PCDH17: variants seen among roughly 807,000 people sequenced by gnomAD.
PCDH17 encodes the protein protocadherin-17.
A neutral mutation model predicts 67.7 loss-of-function variants in PCDH17; 21 were observed. The observed-to-expected ratio is 0.31, with a 90% CI of 0.22 to 0.45. The LOEUF (loss-of-function observed/expected upper bound fraction) is 0.45. Among genes scored for constraint, PCDH17 ranks in the 20% least tolerant of loss-of-function variants. The pLI is 1.00. For synonymous variants in PCDH17, 701 were observed against 656.7 expected, an observed-to-expected ratio of 1.07 and a Z score of -1.03; for missense variants, 1,471 against 1,564.8, an observed-to-expected ratio of 0.94 and a Z score of 1.01.
chr13:57,642,852 A>G (rs908281983), intron 1 of PCDH17, among the ~76,000 whole-genome samples: 3 of 151,584 alleles, frequency 2.0e-5, no homozygotes, highest in Non-Finnish European at 4.4e-5. Flanking sequence ...TAGCTTTCTT[A>G]TTGTTATAAT....
chr13:57,725,094 G>A lies in PCDH17; in HGVS notation c.3280G>A (p.Asp1094Asn), dbSNP rs750528870. ...AAGAGACCCTCCCTTCATGGCTTCC[G>A]ATCAGATGGCAAGGGTCTTTGCAGA... ...QPRDPPFMAS[D>N]QMARVFADVH... is the part of the protein sequence containing the mutation. The change falls in exon 4 of 4, where the codon GAT becomes AAT. Residue 1094 changes from aspartate (D) to asparagine (N), a missense_variant. Asp to Asn is a conservative substitution (Grantham distance 23). Transcript: ENST00000377918. 3 of 1,614,096 alleles carry A rather than the reference G, an allele frequency of 1.9e-6. No homozygotes were observed. The highest frequency in any genetic ancestry group is 1.7e-6 in the Non-Finnish European group (2 of 1,180,012).
intron 3 of PCDH17, among the ~76,000 whole-genome samples, chr13:57,722,368 T>A (rs552134915): frequency 4.0e-4 from 61 of 152,322 alleles, no homozygotes; most frequent in Admixed American, 1.3e-3. Flanking sequence ...ATGAATTTTT[T>A]AAAAAATTTC....
intron 3 of PCDH17, among the ~76,000 whole-genome samples, chr13:57,722,051 G>A (rs1463196940): frequency 6.6e-6 from 1 of 152,084 alleles, no homozygotes; most frequent in Non-Finnish European, 1.5e-5. Context: ...CTAATCACAA[G>A]GTGAACAGCT....
intron 1 of PCDH17, among the ~76,000 whole-genome samples, chr13:57,636,181 T>A (rs1467458923): frequency 3.3e-5 from 5 of 152,176 alleles, no homozygotes; most frequent in Admixed American, 3.3e-4. Context: ...ACTATTGAGT[T>A]GTGTCACAGA....
chr13:57,696,049 G>A (rs75415606), intron 3 of PCDH17, among the ~76,000 whole-genome samples: 4,362 of 151,454 alleles, frequency 0.029, 196 homozygotes, highest in African/African-American at 0.098. Flanking sequence ...TGAAGATGAA[G>A]TTCAAGTGTA....
chr13:57,703,336 G>T (rs1188423102), intron 3 of PCDH17, among the ~76,000 whole-genome samples: 1 of 152,010 alleles, frequency 6.6e-6, no homozygotes, highest in Non-Finnish European at 1.5e-5. Context: ...AACTTCTAGG[G>T]GTAGTAAATA....
Position 57,633,245 on chromosome 13 carries a change from G to C in PCDH17, c.699G>C (p.Val233=), listed in dbSNP as rs1230570741. The change falls in exon 1 of 4, where the codon GTG becomes GTC. Residue 233 remains valine (V), a synonymous_variant. Transcript: ENST00000377918. The surrounding 1 kb of genome is among the most constrained non-coding windows in gnomAD (Gnocchi z 6.2). ...RSATVQINVK[V]IDSNDNSPVF... is the part of the protein sequence containing the mutation. The stretch of plus-strand genomic sequence containing the variant: ...CCACCGTACAGATCAACGTGAAGGT[G>C]ATTGACTCCAACGACAACAGCCCGG... 1.2e-6 allele frequency: 2 copies of C among 1,613,196 alleles called. No individual in the cohort carries two copies. The highest frequency in any genetic ancestry group is 1.7e-6 in the Non-Finnish European group (2 of 1,180,020).
chr13:57,725,207 G>T lies in PCDH17; in HGVS notation c.3393G>T (p.Glu1131Asp). The T allele has an allele frequency of 6.2e-7, 1 of 1,614,062 alleles. No individual in the cohort carries two copies. The highest frequency in any genetic ancestry group is 8.5e-7 in the Non-Finnish European group (1 of 1,180,006). ...ACCCCAACAGGGATCTGGGCAGAGAGTCTGTGGATGCAGAGGAAGTTGTGA... is the reference window on the plus strand; with the variant it reads ...ACCCCAACAGGGATCTGGGCAGAGATTCTGTGGATGCAGAGGAAGTTGTGA... ...LDHPNRDLGRESVDAEEVVRE... is the reference protein window; with the variant it reads ...LDHPNRDLGRDSVDAEEVVRE... The change falls in exon 4 of 4, where the codon GAG (glutamate) becomes GAT (aspartate). Residue 1131 changes from glutamate to aspartate, a missense_variant. By Grantham distance (45) the Glu-to-Asp change is conservative (BLOSUM62 2). Transcript: ENST00000377918.
At position 57,632,705 on chromosome 13, in the gene PCDH17, C is replaced by T. The variant is rs752309446; in HGVS notation, c.159C>T (p.Arg53=). ...RLQPGLPPAE[R]GGGGRSKSGS... ...AGCCTGGGCTTCCGCCTGCAGAGCG[C>T]GGCGGCGGAGGGCGCAGCAAGTCGG... The change falls in exon 1 of 4, where the codon CGC becomes CGT. Residue 53 remains arginine, a synonymous_variant. Coordinates refer to ENST00000377918, the MANE Select transcript of PCDH17 (RefSeq NM_001040429.3). 1.2e-6 allele frequency: 2 copies of T among 1,611,512 alleles called. No homozygotes were observed. Among genetic ancestry groups the T allele is most frequent in the Non-Finnish European group, 1.7e-6 (2 of 1,179,886 alleles).
chr13:57,703,280 T>A (rs1026764183), intron 3 of PCDH17, among the ~76,000 whole-genome samples: 5 of 152,102 alleles, frequency 3.3e-5, no homozygotes, highest in East Asian at 3.9e-4. Context: ...ATTCAAAAAA[T>A]TTTTTTGAGA....
chr13:57,695,056 G>GT (rs1359992100), intron 3 of PCDH17, among the ~76,000 whole-genome samples: 1 of 151,018 alleles, frequency 6.6e-6, no homozygotes, highest in African/African-American at 2.4e-5. Flanking sequence ...TTTTATAAGT[G>GT]TAAGTCTCAT....
intron 3 of PCDH17, among the ~76,000 whole-genome samples, chr13:57,672,850 T>C (rs551401047): frequency 3.7e-4 from 57 of 152,060 alleles, no homozygotes; most frequent in South Asian, 1.9e-3. Flanking sequence ...AGGGTCGAGA[T>C]GCTTATTCCT....
upstream of PCDH17, among the ~76,000 whole-genome samples, chr13:57,630,197 A>G (rs774332538): frequency 5.3e-5 from 8 of 152,208 alleles, no homozygotes; most frequent in Non-Finnish European, 8.8e-5. Context: ...CGCTACTCCA[A>G]CTGTTGAATT....
intron 3 of PCDH17, among the ~76,000 whole-genome samples, chr13:57,707,562 A>G (rs1955732653): frequency 6.6e-6 from 1 of 151,988 alleles, no homozygotes; most frequent in Non-Finnish European, 1.5e-5. Flanking sequence ...ATTTTTAGAT[A>G]TTTTTTACAG....
At chr13:57,715,624 A>G (rs975589203) in intron 3 of PCDH17, among the ~76,000 whole-genome samples, 1 of 151,894 alleles carries the variant, frequency 6.6e-6, no homozygotes, top group Non-Finnish European at 1.5e-5. Flanking sequence ...ATTGTTCTTT[A>G]TATGGTGTAT....
At chr13:57,712,467 A>C (rs1381360717) in intron 3 of PCDH17, among the ~76,000 whole-genome samples, 1 of 151,740 alleles carries the variant, frequency 6.6e-6, no homozygotes, top group African/African-American at 2.4e-5. Context: ...GTGAAAGCAA[A>C]TGTAAAAATC....
At chr13:57,667,401 T>G (rs1846264100) in intron 3 of PCDH17, among the ~76,000 whole-genome samples, 1 of 152,214 alleles carries the variant, frequency 6.6e-6, no homozygotes, top group South Asian at 2.1e-4. Flanking sequence ...TAAATACATA[T>G]ATTTTTGTAA....
intron 1 of PCDH17, among the ~76,000 whole-genome samples, chr13:57,638,152 G>A (rs1954847306): frequency 6.6e-6 from 1 of 152,016 alleles, no homozygotes; most frequent in Non-Finnish European, 1.5e-5. Context: ...AGGAGCACAG[G>A]TTTTGTAGTA....
rs143240614 is a variant in PCDH17 at position 57,671,041 on chromosome 13, C to G, written c.2797+4208C>G. Among the ~76,000 whole-genome samples the G allele has an allele frequency of 8.0e-3, 1,221 of 151,900 alleles. 20 individuals are homozygous for G. The highest frequency in any genetic ancestry group is 0.027 in the African/African-American group (1,131 of 41,490). On this transcript the variant is annotated intron_variant, in intron 3 of 3. Transcript: ENST00000377918. ...TCTTTTAGTGTGATGGGAAAAAAAT[C>G]AAAGAATGTATCTAGTTTCTTTCCA...
Sources: gnomAD v4.1 joint callset for allele counts (sites outside exome capture counted in the v4.1 genomes callset) on GRCh38, gnomAD v4.1.1 for gene constraint, Gnocchi (gnomAD v3.1) non-coding constraint, MANE v1.5 for transcripts, NCBI Gene and HGNC (gene_info 2026-07-23, HGNC 2026-07-21) for gene names.